PKP2: variants seen among roughly 807,000 people sequenced by gnomAD.
PKP2 encodes plakophilin 2, also known as plakophilin-2.
In PKP2, 73 loss-of-function variants were observed where a neutral mutation model predicts 83.4. The ratio of observed to expected loss-of-function variants is 0.88; its 90% CI spans 0.72 to 1.06. PKP2 has a LOEUF of 1.06. PKP2 is among the 50% of genes least tolerant of loss of function. PKP2 has a pLI of 0.00. For synonymous variants in PKP2, 409 were observed against 430.4 expected (o/e 0.95, Z 0.62); for missense variants, 966 against 1,065.4 (o/e 0.91, Z 1.30).
intron 5 of PKP2, among the ~76,000 whole-genome samples, chr12:32,841,609 AAG>A (rs1472705170): frequency 1.3e-5 from 2 of 152,326 alleles, no homozygotes; most frequent in Admixed American, 1.3e-4. Flanking sequence ...AACATTTTTA[AAG>A]AGTCATATTT....
chr12:32,861,933 T>C (rs1956802046), intron 4 of PKP2, among the ~76,000 whole-genome samples: 1 of 152,210 alleles, frequency 6.6e-6, no homozygotes, highest in South Asian at 2.1e-4. Context: ...AGTCTCACTC[T>C]GTTGCCCAGG....
chr12:32,854,846 G>T (rs1956731057), intron 4 of PKP2, among the ~76,000 whole-genome samples: 1 of 152,156 alleles, frequency 6.6e-6, no homozygotes, highest in South Asian at 2.1e-4. Flanking sequence ...TAAGCATAGG[G>T]AACACACAGC....
At chr12:32,802,190 T>TA (rs58107119) in intron 10 of PKP2, among the ~76,000 whole-genome samples, 192 of 151,676 alleles carry the variant, frequency 1.3e-3, no homozygotes, top group Non-Finnish European at 2.4e-3. Flanking sequence ...ATTTTTTTTT[T>TA]AAATGTTGGA....
chr12:32,889,156 G>A (rs1196049720), intron 1 of PKP2, among the ~76,000 whole-genome samples: 1 of 152,166 alleles, frequency 6.6e-6, no homozygotes, highest in Non-Finnish European at 1.5e-5. Flanking sequence ...AGAGAAGGAA[G>A]GGAGGGAGAC....
chr12:32,822,415 ACT>A (rs879053312), intron 8 of PKP2, 50 bp downstream of exon 8: 7 of 1,465,354 alleles, frequency 4.8e-6, no homozygotes, highest in East Asian at 2.3e-5. Context: ...ACAAACACAC[ACT>A]CTCTCTCATT....
chr12:32,865,529 T>C (rs540971745), intron 4 of PKP2, among the ~76,000 whole-genome samples: 44 of 147,576 alleles, frequency 3.0e-4, no homozygotes, highest in Non-Finnish European at 6.3e-4. Flanking sequence ...AAAAAAAAAA[T>C]ACAAAAATTA....
At chr12:32,826,812 T>G (rs181065806) in intron 6 of PKP2, among the ~76,000 whole-genome samples, 44 of 152,302 alleles carry the variant, frequency 2.9e-4, no homozygotes, top group Admixed American at 2.7e-3. Flanking sequence ...TCTCCTTATT[T>G]TATACATGAA....
intron 6 of PKP2, among the ~76,000 whole-genome samples, chr12:32,824,704 A>C (rs115134966): frequency 2.0e-3 from 302 of 152,348 alleles, no homozygotes; most frequent in African/African-American, 7.0e-3. Context: ...TTTTATCATT[A>C]AAATGGCAGA....
At chr12:32,892,159 C>T (rs1957079544) in intron 1 of PKP2, among the ~76,000 whole-genome samples, 1 of 152,042 alleles carries the variant, frequency 6.6e-6, no homozygotes, top group Non-Finnish European at 1.5e-5. Flanking sequence ...AGTCACCTTG[C>T]TCCCCAGAAT....
chr12:32,855,277 G>T (rs1592752422), intron 4 of PKP2, among the ~76,000 whole-genome samples: 1 of 152,088 alleles, frequency 6.6e-6, no homozygotes, highest in Admixed American at 6.6e-5. Flanking sequence ...ACATGTTGAG[G>T]TATCCACGGG....
intron 5 of PKP2, among the ~76,000 whole-genome samples, chr12:32,847,129 A>G (rs1256279990): frequency 6.6e-6 from 1 of 152,194 alleles, no homozygotes; most frequent in African/African-American, 2.4e-5. Flanking sequence ...GAAATAGACC[A>G]GTAAGATTCA....
intron 6 of PKP2, among the ~76,000 whole-genome samples, chr12:32,829,414 T>C (rs1956477633): frequency 6.7e-6 from 1 of 150,286 alleles, no homozygotes; most frequent in East Asian, 2.0e-4. Flanking sequence ...GTCACCATGC[T>C]CAGTGGATTT....
intron 9 of PKP2, among the ~76,000 whole-genome samples, chr12:32,816,908 G>A (rs910293284): frequency 6.6e-6 from 1 of 152,102 alleles, no homozygotes; most frequent in Non-Finnish European, 1.5e-5. Context: ...GTCTGTTCAT[G>A]TCTTTGGCTC....
chr12:32,883,958 A>G (rs1358513580), intron 1 of PKP2, among the ~76,000 whole-genome samples: 1 of 152,218 alleles, frequency 6.6e-6, no homozygotes, highest in East Asian at 1.9e-4. Flanking sequence ...TCTCCCTTGA[A>G]GCAGACCATA....
At chr12:32,870,260 G>C (rs985215738) in intron 3 of PKP2, among the ~76,000 whole-genome samples, 1 of 152,072 alleles carries the variant, frequency 6.6e-6, no homozygotes, top group East Asian at 1.9e-4. Flanking sequence ...CATGTGTACA[G>C]GTGTTAGTGT....
intron 4 of PKP2, among the ~76,000 whole-genome samples, chr12:32,867,584 A>G (rs1956860631): frequency 6.6e-6 from 1 of 152,258 alleles, no homozygotes; most frequent in South Asian, 2.1e-4. Flanking sequence ...AGCATCTTAA[A>G]AGAATGAGTA....
rs566315373 is a variant in PKP2, at chr12:32,886,472, C to T, written c.224-7440G>A. The stretch of plus-strand genomic sequence containing the variant: ...ATACTGAGACTCATCAAAGACCATA[C>T]GTATGTCCGCACTCCTGAGTTGGTG... On this transcript the variant is annotated intron_variant, in intron 1 of 12. Transcript: ENST00000340811. 3.9e-5 allele frequency among the ~76,000 whole-genome samples: 6 copies of T among 152,304 alleles called. No homozygotes were observed. In the East Asian group the frequency reaches 5.8e-4, roughly 15 times the overall value.
chr12:32,850,908 C>T lies in PKP2; in HGVS notation c.1236G>A (p.Gln412=), dbSNP rs779749104. 3.7e-6 allele frequency: 6 copies of T among 1,614,030 alleles called. No homozygotes were observed. In the African/African-American group the frequency reaches 4.0e-5, roughly 11 times the overall value. ...QLLKVQNEDV[Q]RAVCGALRNL... is the part of the protein sequence containing the mutation. Reference sequence around the variant, plus strand: ...TTCTCAAGGCCCCACACACAGCTCGCTGAACGTCTTCATTCTGAACTTTTA... The same window carrying T: ...TTCTCAAGGCCCCACACACAGCTCGTTGAACGTCTTCATTCTGAACTTTTA... Residue 412 remains glutamine, a synonymous_variant, in exon 5 of 13, where the codon CAG becomes CAA. Transcript: ENST00000340811.
chr12:32,818,973 C>T lies in PKP2; in HGVS notation c.2013+2383G>A, dbSNP rs141657126. ...TATGTCAAAATTTTAAAAAGCATCC[C>T]GTAACTTAAAAGAATAAAGGGAGGC... is the stretch of plus-strand genomic sequence containing the variant. On this transcript the variant is annotated intron_variant, in intron 9 of 12. Transcript: ENST00000340811. Among the ~76,000 whole-genome samples, 336 of 152,056 alleles carry T rather than the reference C, an allele frequency of 2.2e-3. 1 individual carries two copies. The highest frequency in any genetic ancestry group is 7.5e-3 in the African/African-American group (310 of 41,470).
Sources: allele counts gnomAD v4.1 joint callset (sites outside exome capture counted in the v4.1 genomes callset), GRCh38; gene constraint gnomAD v4.1.1; transcripts MANE v1.5; gene names NCBI Gene and HGNC (gene_info 2026-07-23, HGNC 2026-07-21).